CADPS2: variants seen among roughly 807,000 people sequenced by gnomAD.
CADPS2 encodes calcium-dependent secretion activator 2.
In CADPS2, 93 loss-of-function variants were observed where a neutral mutation model predicts 172.5. That is an observed-to-expected ratio of 0.54 (90% CI 0.46 to 0.64). The LOEUF is 0.64. Ranked by LOEUF, CADPS2 falls within the 30% of genes least tolerant of loss-of-function variation. CADPS2 has a pLI of 0.00. For missense variants in CADPS2, 1,420 were observed against 1,565.9 expected (o/e 0.91, Z 1.57); for synonymous variants, 546 against 555.2 (o/e 0.98, Z 0.23).
chr7:122,423,797 G>C (rs1585882806), intron 17 of CADPS2, among the ~76,000 whole-genome samples: 2 of 152,178 alleles, frequency 1.3e-5, no homozygotes, highest in East Asian at 3.9e-4. Flanking sequence ...AGTAGGTCTT[G>C]GATGAATCCC....
chr7:122,763,923 A>G (rs1027451625), intron 1 of CADPS2, among the ~76,000 whole-genome samples: 5 of 152,170 alleles, frequency 3.3e-5, no homozygotes, highest in Admixed American at 1.3e-4. Context: ...GTAGCCAAAT[A>G]AATATGATTA....
intron 27 of CADPS2, among the ~76,000 whole-genome samples, chr7:122,349,086 T>G (rs1023206434): frequency 1.6e-5 from 1 of 61,950 alleles, no homozygotes; most frequent in South Asian, 5.5e-4. Flanking sequence ...TTTTGTGGGG[T>G]TTTTTTTGGT....
At chr7:122,697,386 AATTT>A (rs745914251) in intron 2 of CADPS2, among the ~76,000 whole-genome samples, 5 of 152,178 alleles carry the variant, frequency 3.3e-5, no homozygotes, top group Non-Finnish European at 5.9e-5. Flanking sequence ...CATAAAAGAT[AATTT>A]ATTGTTTTCA....
intron 2 of CADPS2, among the ~76,000 whole-genome samples, chr7:122,736,430 C>T (rs2092153293): frequency 6.6e-6 from 1 of 152,160 alleles, no homozygotes; most frequent in African/African-American, 2.4e-5. Context: ...TGTGTGAAAA[C>T]TGGTGCTCAT....
At chr7:122,359,315 G>C (rs2039828103) in intron 27 of CADPS2, among the ~76,000 whole-genome samples, 1 of 152,122 alleles carries the variant, frequency 6.6e-6, no homozygotes, top group African/African-American at 2.4e-5. Context: ...CTTAACAGTA[G>C]GCTGCCATAT....
intron 2 of CADPS2, among the ~76,000 whole-genome samples, chr7:122,733,323 A>G (rs925819388): frequency 2.6e-5 from 4 of 152,082 alleles, no homozygotes; most frequent in Non-Finnish European, 5.9e-5. Flanking sequence ...AGATAGAGCA[A>G]TAAGTACTGC....
intron 8 of CADPS2, among the ~76,000 whole-genome samples, chr7:122,541,928 T>C (rs1033100288): frequency 6.7e-6 from 1 of 148,192 alleles, no homozygotes; most frequent in Admixed American, 6.8e-5. Flanking sequence ...TATATAACTA[T>C]TGCAACAGAA....
intron 7 of CADPS2, among the ~76,000 whole-genome samples, chr7:122,557,972 A>G (rs1313450246): frequency 1.3e-5 from 2 of 152,140 alleles, no homozygotes; most frequent in African/African-American, 4.8e-5. Flanking sequence ...AGCCAAGTTC[A>G]GAGAACACCA....
chr7:122,623,499 G>T (rs900861733), intron 4 of CADPS2, among the ~76,000 whole-genome samples: 2 of 152,130 alleles, frequency 1.3e-5, no homozygotes, highest in Non-Finnish European at 2.9e-5. Context: ...ATTGATTAAA[G>T]ATTCCAGACA....
chr7:122,650,542 T>C (rs1160205914), intron 3 of CADPS2, among the ~76,000 whole-genome samples: 3 of 152,122 alleles, frequency 2.0e-5, no homozygotes, highest in African/African-American at 4.8e-5. Context: ...AATCTAAAAA[T>C]AAATACAGGA....
At chr7:122,632,220 C>A (rs1225092743) in intron 3 of CADPS2, among the ~76,000 whole-genome samples, 1 of 152,140 alleles carries the variant, frequency 6.6e-6, no homozygotes, top group Non-Finnish European at 1.5e-5. Context: ...GGTACATACC[C>A]AGTAGTAGGA....
chr7:122,841,212 T>C (rs898974042), intron 1 of CADPS2, among the ~76,000 whole-genome samples: 2 of 152,190 alleles, frequency 1.3e-5, no homozygotes, highest in Non-Finnish European at 2.9e-5. Context: ...TCTCAAAGAA[T>C]ATGTTGTCAA....
chr7:122,368,013 C>T (rs939587991), intron 25 of CADPS2: 14 of 152,206 alleles, frequency 9.2e-5, no homozygotes, highest in African/African-American at 2.9e-4. Flanking sequence ...CATCTCCTTC[C>T]CCTTTTAAAT....
At chr7:122,722,581 T>C (rs1391074169) in intron 2 of CADPS2, among the ~76,000 whole-genome samples, 2 of 148,908 alleles carry the variant, frequency 1.3e-5, no homozygotes, top group Non-Finnish European at 3.0e-5. Context: ...TGCTCATTGA[T>C]AGGAAGAATC....
intron 1 of CADPS2, among the ~76,000 whole-genome samples, chr7:122,771,022 T>C (rs1192294581): frequency 6.6e-6 from 1 of 152,170 alleles, no homozygotes; most frequent in African/African-American, 2.4e-5. Flanking sequence ...GCAAGTTTTA[T>C]CCTGCTGCAG....
chr7:122,372,410 TTTTCTAGGCACATAAAATGTGTATATAG>T (rs1158385336), intron 25 of CADPS2, among the ~76,000 whole-genome samples: 1 of 152,098 alleles, frequency 6.6e-6, no homozygotes, highest in Non-Finnish European at 1.5e-5. Context: ...GGCCAAGACC[TTTTCTAGGCACATAAAATGTGTATATAG>T]TAGGGAGGGA....
At chr7:122,388,521 G>A in intron 23 of CADPS2, 62 bp downstream of exon 23, 1 of 1,469,356 alleles carries the variant, frequency 6.8e-7, no homozygotes, top group South Asian at 1.4e-5. Context: ...TTAGGTACTT[G>A]ATAAAAAGTG....
intron 8 of CADPS2, among the ~76,000 whole-genome samples, chr7:122,539,524 C>CA (rs1490192424): frequency 6.6e-6 from 1 of 151,918 alleles, no homozygotes; most frequent in Non-Finnish European, 1.5e-5. Context: ...TTAAGTAAAA[C>CA]AAAAGAGGGG....
chr7:122,657,127 G>A (rs933696641), intron 3 of CADPS2, among the ~76,000 whole-genome samples: 1 of 152,082 alleles, frequency 6.6e-6, no homozygotes, highest in African/African-American at 2.4e-5. Context: ...GTTTATGTGT[G>A]GTATTATTTC....
Sources: allele counts gnomAD v4.1 joint callset (sites outside exome capture counted in the v4.1 genomes callset), GRCh38; gene constraint gnomAD v4.1.1; transcripts MANE v1.5; gene names NCBI Gene and HGNC (gene_info 2026-07-23, HGNC 2026-07-21).